IMMP2L: variants seen among roughly 807,000 people sequenced by gnomAD.
IMMP2L encodes mitochondrial inner membrane protease subunit 2.
Under a neutral mutation model 19.3 loss-of-function variants are expected in IMMP2L, and 18 were observed. That is an observed-to-expected ratio of 0.93 (90% CI 0.64 to 1.38). The LOEUF (loss-of-function observed/expected upper bound fraction) is 1.38, where lower values mean the gene tolerates loss of function less well. Among genes scored for constraint, IMMP2L ranks in the 40% most tolerant of loss-of-function variants. The pLI is 0.00. For missense variants in IMMP2L, 233 were observed against 218.2 expected (o/e 1.07, Z -0.43); for synonymous variants, 76 against 73.0 (o/e 1.04, Z -0.21).
At chr7:110,856,479 T>C (rs1432487135) in intron 5 of IMMP2L, among the ~76,000 whole-genome samples, 2 of 152,044 alleles carry the variant, frequency 1.3e-5, no homozygotes, top group Admixed American at 1.3e-4. Context: ...GCAGCTTCCA[T>C]ATCCTGGTGA....
At chr7:110,737,005 G>A (rs1193737766) in intron 5 of IMMP2L, among the ~76,000 whole-genome samples, 4 of 152,166 alleles carry the variant, frequency 2.6e-5, no homozygotes, top group African/African-American at 7.2e-5. Context: ...TTGAATGTTT[G>A]TGGCAGTCCA....
chr7:111,180,117 G>C (rs1807538107), intron 3 of IMMP2L, among the ~76,000 whole-genome samples: 1 of 152,072 alleles, frequency 6.6e-6, no homozygotes. Context: ...GTGTTCACCA[G>C]AGTAGCACTT....
chr7:111,286,539 C>T (rs2130770237), intron 3 of IMMP2L, among the ~76,000 whole-genome samples: 1 of 152,210 alleles, frequency 6.6e-6, no homozygotes, highest in East Asian at 1.9e-4. Context: ...GAACGGATTA[C>T]ATATTCCTCA....
At chr7:111,422,791 G>C (rs915433724) in intron 3 of IMMP2L, among the ~76,000 whole-genome samples, 1 of 151,822 alleles carries the variant, frequency 6.6e-6, no homozygotes, top group African/African-American at 2.4e-5. Context: ...TCCTTGTCTT[G>C]TGTCGGTTTT....
chr7:110,663,320 T>C lies in IMMP2L; in HGVS notation c.*282A>G, dbSNP rs1791203968. Reference sequence around the variant, plus strand: ...ACAAATAATCTGAAATTCAGCCCCATTAAGACATGTGGGTGCAATATTTTT... The same window carrying C: ...ACAAATAATCTGAAATTCAGCCCCACTAAGACATGTGGGTGCAATATTTTT... On this transcript the variant is annotated 3_prime_UTR_variant, in exon 6 of 6. Coordinates refer to ENST00000405709, the MANE Select transcript of IMMP2L (RefSeq NM_032549.4). The C allele has an allele frequency of 7.7e-6, 2 of 258,640 alleles. No individual in the cohort carries two copies. Among genetic ancestry groups the C allele is most frequent in the Admixed American group, 5.0e-5 (1 of 20,042 alleles). 16.0% of individuals were successfully genotyped at this position (258,640 alleles called of 1,614,324 possible). A position where few individuals can be genotyped will look rare whatever the true frequency, so the allele number is the denominator to read the frequency against.
At chr7:110,813,170 G>C (rs1194557464) in intron 5 of IMMP2L, among the ~76,000 whole-genome samples, 1 of 151,996 alleles carries the variant, frequency 6.6e-6, no homozygotes, top group Non-Finnish European at 1.5e-5. Context: ...GGTACATGAA[G>C]AGTTTTTCTA....
intron 3 of IMMP2L, among the ~76,000 whole-genome samples, chr7:110,982,269 T>C (rs1003363260): frequency 2.0e-5 from 3 of 152,138 alleles, no homozygotes; most frequent in Admixed American, 1.3e-4. Flanking sequence ...GCCAAAGATA[T>C]AAAACTGAAT....
intron 5 of IMMP2L, among the ~76,000 whole-genome samples, chr7:110,693,436 C>G (rs1421910602): frequency 6.6e-6 from 1 of 152,164 alleles, no homozygotes; most frequent in African/African-American, 2.4e-5. Flanking sequence ...CACTTTTCTC[C>G]AGGTGACACA....
intron 4 of IMMP2L, among the ~76,000 whole-genome samples, chr7:110,958,182 C>T (rs971340674): frequency 2.0e-5 from 3 of 152,004 alleles, no homozygotes; most frequent in Non-Finnish European, 4.4e-5. Context: ...AATCAATTTT[C>T]TCTAAAACAG....
At chr7:111,514,703 T>C (rs953880635) in intron 2 of IMMP2L, among the ~76,000 whole-genome samples, 5 of 152,064 alleles carry the variant, frequency 3.3e-5, no homozygotes, top group Non-Finnish European at 7.4e-5. Flanking sequence ...ATGTAATCCA[T>C]CACCTAGAGC....
chr7:111,366,344 GAAAA>G (rs34751093), intron 3 of IMMP2L, among the ~76,000 whole-genome samples: 2 of 118,024 alleles, frequency 1.7e-5, no homozygotes, highest in Non-Finnish European at 3.7e-5. Context: ...AAAAAAGAAA[GAAAA>G]AAAAAAAAAG....
intron 3 of IMMP2L, among the ~76,000 whole-genome samples, chr7:111,040,704 A>C (rs1791811305): frequency 7.0e-6 from 1 of 141,994 alleles, no homozygotes; most frequent in African/African-American, 2.7e-5. Context: ...ATTTAAATAT[A>C]TAAATCTAAT....
At chr7:111,559,281 T>G (rs1414111212) in intron 1 of IMMP2L, among the ~76,000 whole-genome samples, 1 of 152,152 alleles carries the variant, frequency 6.6e-6, no homozygotes, top group East Asian at 1.9e-4. Flanking sequence ...AGCTAAGCTG[T>G]ATATTAAATC....
intron 5 of IMMP2L, among the ~76,000 whole-genome samples, chr7:110,702,619 T>C (rs1401673622): frequency 6.6e-6 from 1 of 152,174 alleles, no homozygotes; most frequent in South Asian, 2.1e-4. Context: ...GTTCTCAGAA[T>C]GTATTGCACA....
At chr7:111,407,244 G>T in intron 3 of IMMP2L, among the ~76,000 whole-genome samples, 1 of 151,968 alleles carries the variant, frequency 6.6e-6, no homozygotes, top group Non-Finnish European at 1.5e-5. Flanking sequence ...CGGAAAACAG[G>T]TTTGGCAGTC....
intron 4 of IMMP2L, among the ~76,000 whole-genome samples, chr7:110,888,665 T>TA (rs572455357): frequency 7.2e-4 from 109 of 152,326 alleles, no homozygotes; most frequent in Non-Finnish European, 1.4e-3. Flanking sequence ...CAGTGACAGT[T>TA]ACACGTTTCC....
rs1431354983 is a variant in IMMP2L at position 111,501,101 on chromosome 7, G to A, written c.136-13760C>T. 3.9e-5 allele frequency among the ~76,000 whole-genome samples: 6 copies of A among 151,976 alleles called. 1 individual carries two copies. Among genetic ancestry groups the A allele is most frequent in the African/African-American group, 1.4e-4 (6 of 41,544 alleles). ...AAAAAATTAGACGAATGGATACCTA[G>A]AATAACCAATGCAGAGAAGTCCTTA... On this transcript the variant is annotated intron_variant, in intron 2 of 5. Transcript: ENST00000405709.
intron 3 of IMMP2L, among the ~76,000 whole-genome samples, chr7:111,050,714 A>G (rs144000967): frequency 5.6e-4 from 86 of 152,342 alleles, no homozygotes; most frequent in Admixed American, 4.5e-3. Context: ...CCAGCCTAAA[A>G]AATATATCAT....
At chr7:110,951,466 G>A (rs1184069133) in intron 4 of IMMP2L, among the ~76,000 whole-genome samples, 5 of 151,796 alleles carry the variant, frequency 3.3e-5, no homozygotes, top group African/African-American at 7.3e-5. Flanking sequence ...AAGCCAAACG[G>A]AAAATTAGTC....
Sources: gnomAD v4.1 joint callset for allele counts (sites outside exome capture counted in the v4.1 genomes callset) on GRCh38, gnomAD v4.1.1 for gene constraint, MANE v1.5 for transcripts, NCBI Gene and HGNC (gene_info 2026-07-23, HGNC 2026-07-21) for gene names.